Variants in SLC2A13 observed in about 807,000 individuals in gnomAD.
The protein encoded by SLC2A13 is proton myo-inositol cotransporter.
Under a neutral mutation model 64.4 loss-of-function variants are expected in SLC2A13, and 32 were observed. The ratio of observed to expected loss-of-function variants is 0.50; its 90% CI spans 0.37 to 0.67. The LOEUF (loss-of-function observed/expected upper bound fraction) is 0.67, where lower values mean the gene tolerates loss of function less well. SLC2A13 is among the 30% of genes least tolerant of loss of function. The pLI is 0.00. For synonymous variants in SLC2A13, 338 were observed against 327.1 expected (o/e 1.03, Z -0.36); for missense variants, 743 against 829.2 (o/e 0.90, Z 1.28).
At chr12:40,006,159 G>A (rs892240571) in intron 3 of SLC2A13, among the ~76,000 whole-genome samples, 7 of 152,136 alleles carry the variant, frequency 4.6e-5, no homozygotes, top group East Asian at 1.9e-4. Context: ...AATTAATAAC[G>A]CAGGATTAAA....
intron 3 of SLC2A13, among the ~76,000 whole-genome samples, chr12:40,008,435 G>A (rs559609824): frequency 1.3e-4 from 20 of 152,080 alleles, no homozygotes; most frequent in South Asian, 4.2e-4. Flanking sequence ...ATGAAACCCC[G>A]TCTCTACTGA....
intron 5 of SLC2A13, among the ~76,000 whole-genome samples, chr12:39,866,406 C>T (rs980375912): frequency 2.0e-5 from 3 of 152,056 alleles, no homozygotes; most frequent in Non-Finnish European, 4.4e-5. Flanking sequence ...TCAATGTTGT[C>T]TTTTGTAAAA....
intron 1 of SLC2A13, among the ~76,000 whole-genome samples, chr12:40,053,281 C>CAAAAAAAAAAAAAAAAAAAAAAAAAAA (rs35810974): frequency 1.4e-5 from 1 of 69,122 alleles, no homozygotes. Flanking sequence ...GACTCCATCT[C>CAAAAAAAAAAAAAAAAAAAAAAAAAAA]AAAAAAAAAA....
intron 7 of SLC2A13, among the ~76,000 whole-genome samples, chr12:39,766,024 A>G (rs1054097410): frequency 4.6e-5 from 7 of 152,178 alleles, no homozygotes; most frequent in African/African-American, 1.7e-4. Flanking sequence ...ATAGTTCCTT[A>G]TTTAATCTCC....
rs34671641 is a variant in SLC2A13 at position 39,801,339 on chromosome 12, TAAAAAAA to T, written c.1445+28757_1445+28763del. On this transcript the variant is annotated intron_variant, in intron 7 of 9. Coordinates refer to ENST00000280871, the MANE Select transcript of SLC2A13 (RefSeq NM_052885.4). ...TTTTTGAATAAATGAATGAGGAAAT[TAAAAAAA>T]AAAAAAAAAAAAAAGAAAGAACTGA... Among the ~76,000 whole-genome samples, 991 of 126,854 alleles carry T rather than the reference TAAAAAAA, an allele frequency of 7.8e-3. 11 individuals carry two copies. The South Asian group carries it at 0.086, about 11-fold the overall frequency. 83.2% of individuals were successfully genotyped at this position (126,854 alleles called of 152,430 possible). A position where few individuals can be genotyped will look rare whatever the true frequency, so the allele number is the denominator to read the frequency against.
intron 3 of SLC2A13, among the ~76,000 whole-genome samples, chr12:40,007,900 T>C (rs1387828039): frequency 6.6e-6 from 1 of 152,122 alleles, no homozygotes; most frequent in Non-Finnish European, 1.5e-5. Flanking sequence ...AAAGATTCCA[T>C]ACATGGAAAA....
At chr12:39,803,138 T>C (rs1305344629) in intron 7 of SLC2A13, among the ~76,000 whole-genome samples, 3 of 151,206 alleles carry the variant, frequency 2.0e-5, no homozygotes, top group South Asian at 2.1e-4. Context: ...ATTGTAAATG[T>C]TCCCTTATTC....
At chr12:39,795,667 G>C (rs888336019) in intron 7 of SLC2A13, among the ~76,000 whole-genome samples, 2 of 152,152 alleles carry the variant, frequency 1.3e-5, no homozygotes, top group Non-Finnish European at 2.9e-5. Flanking sequence ...TAGACACCTG[G>C]AGGTGCTGCA....
intron 3 of SLC2A13, among the ~76,000 whole-genome samples, chr12:39,963,203 C>T (rs1456431375): frequency 2.7e-5 from 4 of 145,620 alleles, no homozygotes; most frequent in Admixed American, 1.4e-4. Context: ...AGGAGAATGG[C>T]GTGAATCCAG....
chr12:39,896,984 T>C (rs1592259702), intron 4 of SLC2A13, among the ~76,000 whole-genome samples: 1 of 151,806 alleles, frequency 6.6e-6, no homozygotes, highest in Admixed American at 6.6e-5. Flanking sequence ...ACCAGGGAGG[T>C]GAGGGGTTTA....
chr12:39,871,805 A>G lies in SLC2A13; in HGVS notation c.1191T>C (p.Ser397=). ...KVGRRKLTFG[S]LAGTTVALII... ...CTTTATCCAGCCACCTACCTGCTAA[A>G]CTACCAAAGGTAAGCTTTCTGCGGC... The change falls in exon 5 of 10, where the codon AGT becomes AGC. Residue 397 remains serine, a synonymous_variant. Transcript: ENST00000280871. The G allele has an allele frequency of 2.5e-6, 4 of 1,600,914 alleles. No individual in the cohort carries two copies. Among genetic ancestry groups the G allele is most frequent in the Non-Finnish European group, 3.4e-6 (4 of 1,175,010 alleles).
At chr12:40,032,992 A>G (rs1251710227) in intron 2 of SLC2A13, among the ~76,000 whole-genome samples, 4 of 152,216 alleles carry the variant, frequency 2.6e-5, no homozygotes, top group Non-Finnish European at 4.4e-5. Context: ...AACAATACTA[A>G]TAGCAATAGT....
chr12:40,104,428 A>G (rs937763546), intron 1 of SLC2A13, among the ~76,000 whole-genome samples: 10 of 152,216 alleles, frequency 6.6e-5, no homozygotes, highest in Non-Finnish European at 1.3e-4. Context: ...TAATGCCTTC[A>G]TTTTTGAAGT....
At chr12:39,891,391 G>T (rs1944605004) in intron 4 of SLC2A13, among the ~76,000 whole-genome samples, 1 of 151,844 alleles carries the variant, frequency 6.6e-6, no homozygotes, top group African/African-American at 2.4e-5. Flanking sequence ...TCACAGAGGA[G>T]AAAACATTAT....
intron 1 of SLC2A13, among the ~76,000 whole-genome samples, chr12:40,074,087 G>A (rs1391123513): frequency 2.0e-5 from 3 of 151,598 alleles, no homozygotes; most frequent in South Asian, 2.1e-4. Context: ...TTCAGTTTTG[G>A]AGGATTCTTT....
chr12:39,930,796 A>G (rs895048834), intron 4 of SLC2A13, among the ~76,000 whole-genome samples: 1 of 152,240 alleles, frequency 6.6e-6, no homozygotes, highest in African/African-American at 2.4e-5. Context: ...ACTTCAGAAC[A>G]TCATTTATTG....
chr12:40,028,637 TTATG>T, intron 2 of SLC2A13, 128 bp from the exon 3 acceptor site: 1 of 832,934 alleles, frequency 1.2e-6, no homozygotes, highest in Non-Finnish European at 1.8e-6. Context: ...ATTTGTGCAT[TTATG>T]TGTGTGTCTG....
chr12:40,021,415 A>T (rs1478659568), intron 3 of SLC2A13, among the ~76,000 whole-genome samples: 1 of 152,224 alleles, frequency 6.6e-6, no homozygotes, highest in Non-Finnish European at 1.5e-5. Flanking sequence ...CAGCATGCCT[A>T]AGAAAATAAG....
intron 3 of SLC2A13, among the ~76,000 whole-genome samples, chr12:39,960,527 G>GCATGAC (rs2136112833): frequency 6.6e-6 from 1 of 152,034 alleles, no homozygotes; most frequent in South Asian, 2.1e-4. Flanking sequence ...TTACAGGCAC[G>GCATGAC]CATGACCATG....
Sources: allele counts gnomAD v4.1 joint callset (sites outside exome capture counted in the v4.1 genomes callset), GRCh38; gene constraint gnomAD v4.1.1; transcripts MANE v1.5; gene names NCBI Gene and HGNC (gene_info 2026-07-23, HGNC 2026-07-21).